Variants in TSPEAR observed in about 807,000 individuals in gnomAD.
TSPEAR encodes the protein thrombospondin-type laminin G domain and EAR repeat-containing protein.
TSPEAR carries 69 observed loss-of-function variants against 71.6 expected under a neutral mutation model. The observed-to-expected ratio is 0.96, with a 90% CI of 0.79 to 1.18. TSPEAR has a LOEUF of 1.18. Ranked by LOEUF, TSPEAR falls within the 50% of genes most tolerant of loss-of-function variation. The probability of loss-of-function intolerance (pLI) is 0.00; values close to 1 mark genes in which losing one functional copy is unlikely to be tolerated. For missense variants in TSPEAR, 971 were observed against 894.9 expected (o/e 1.09, Z -1.09); for synonymous variants, 402 against 387.2 (o/e 1.04, Z -0.45).
intron 11 of TSPEAR, among the ~76,000 whole-genome samples, chr21:44,503,280 C>T (rs868960964): frequency 1.1e-3 from 131 of 120,570 alleles, no homozygotes; most frequent in African/African-American, 3.9e-3. Context: ...AAGCTGGCCT[C>T]GGTGAGCCCT....
Position 44,616,285 on chromosome 21 carries a change from C to T in TSPEAR, c.83-48280G>A, listed in dbSNP as rs587679216. 5.9e-5 allele frequency among the ~76,000 whole-genome samples: 9 copies of T among 152,276 alleles called. No homozygotes were observed. In the South Asian group the frequency reaches 1.7e-3, roughly 28 times the overall value. On this transcript the variant is annotated intron_variant, in intron 1 of 11. Transcript: ENST00000323084. Reference sequence around the variant, plus strand: ...GGGGAGGTGGACGCTCTCACGGTGCCCTTTTGTCTCTAAAGCGGGGAGAGA... The same window carrying T: ...GGGGAGGTGGACGCTCTCACGGTGCTCTTTTGTCTCTAAAGCGGGGAGAGA...
At chr21:44,526,080 A>G (rs1463461783) in intron 7 of TSPEAR, 4 of 416,668 alleles carry the variant, frequency 9.6e-6, no homozygotes, top group Non-Finnish European at 1.7e-5. Context: ...TTCCACTTCT[A>G]TTGCTATCTG....
chr21:44,701,960 CCT>C (rs1987669466), intron 1 of TSPEAR, among the ~76,000 whole-genome samples: 3 of 152,290 alleles, frequency 2.0e-5, no homozygotes, highest in South Asian at 4.1e-4. Context: ...CATCTCCTGC[CCT>C]GTTTTCCTTC....
In TSPEAR at chr21:44,550,721, G is replaced by C. The variant is rs587672561; in HGVS notation, c.304-16798C>G. 4.3e-6 allele frequency: 7 copies of C among 1,614,084 alleles called. No homozygotes were observed. The Admixed American group carries it at 1.2e-4, about 27-fold the overall frequency. ...AGCTAGACTTTTGGCCTGAGGAAAA[G>C]CTGCAGGAGGCTGGGCGGGAGCACA... is the stretch of plus-strand genomic sequence containing the variant. On this transcript the variant is annotated intron_variant, in intron 2 of 11. Coordinates refer to ENST00000323084, the MANE Select transcript of TSPEAR (RefSeq NM_144991.3).
intron 7 of TSPEAR, 123 bp downstream of exon 7, chr21:44,527,169 C>T: frequency 1.1e-6 from 1 of 895,486 alleles, no homozygotes; most frequent in Non-Finnish European, 1.7e-6. Context: ...CCTTTTACCG[C>T]CTGAACGAGG....
chr21:44,533,976 G>A (rs782248154), intron 2 of TSPEAR, 53 bp from the exon 3 acceptor site: 58 of 1,329,030 alleles, frequency 4.4e-5, no homozygotes, highest in South Asian at 1.5e-4. Context: ...GGTCGGGTGC[G>A]GGGGCAGGGC....
intron 1 of TSPEAR, among the ~76,000 whole-genome samples, chr21:44,636,359 C>T (rs1983567162): frequency 6.6e-6 from 1 of 152,206 alleles, no homozygotes; most frequent in Non-Finnish European, 1.5e-5. Context: ...GCTTCCTTTC[C>T]CATTGTATTT....
intron 1 of TSPEAR, among the ~76,000 whole-genome samples, chr21:44,705,574 C>A (rs1987871245): frequency 6.6e-6 from 1 of 152,200 alleles, no homozygotes; most frequent in Non-Finnish European, 1.5e-5. Flanking sequence ...AACTGGCCCC[C>A]CCGGGGCGTA....
At chr21:44,690,666 C>T (rs1987088382) in intron 1 of TSPEAR, 1 of 853,930 alleles carries the variant, frequency 1.2e-6, no homozygotes, top group African/African-American at 1.8e-5. Flanking sequence ...GTAAACATGA[C>T]AGCAAATTAT....
chr21:44,622,119 A>G (rs1220560144), intron 1 of TSPEAR, among the ~76,000 whole-genome samples: 1 of 152,232 alleles, frequency 6.6e-6, no homozygotes, highest in Non-Finnish European at 1.5e-5. Flanking sequence ...ATACATGAAA[A>G]CATGCTCCAC....
intron 3 of TSPEAR, among the ~76,000 whole-genome samples, chr21:44,532,577 A>T (rs1328687999): frequency 6.6e-6 from 1 of 152,276 alleles, no homozygotes; most frequent in Non-Finnish European, 1.5e-5. Context: ...TATTTATGCG[A>T]TAAGTTTCAT....
chr21:44,515,881 G>A (rs1009411758), intron 9 of TSPEAR: 2 of 152,280 alleles, frequency 1.3e-5, no homozygotes, highest in African/African-American at 4.8e-5. Flanking sequence ...TGGGCCCCAT[G>A]AGTGAAGGGC....
intron 1 of TSPEAR, among the ~76,000 whole-genome samples, chr21:44,610,731 G>T (rs587725004): frequency 1.3e-5 from 2 of 152,282 alleles, no homozygotes; most frequent in East Asian, 3.9e-4. Context: ...TGGAAAAGCT[G>T]CTGACACTCA....
At chr21:44,666,603 C>T (rs1555944790) in intron 1 of TSPEAR, 2 of 1,613,306 alleles carry the variant, frequency 1.2e-6, no homozygotes, top group Non-Finnish European at 1.7e-6. Context: ...GGGGGCTGCA[C>T]ACACAATGGG....
chr21:44,509,255 G>A lies in TSPEAR; in HGVS notation c.1698C>T (p.Tyr566=), dbSNP rs62218852. 968 of 1,614,002 alleles carry A rather than the reference G, an allele frequency of 6.0e-4. No homozygotes were observed. The highest frequency in any genetic ancestry group is 1.3e-3 in the Admixed American group (79 of 60,006). ...NDSYVINSVI[Y]ELNVTAQAFV... ...AGGCCTGCGCGGTCACGTTCAGCTC[G>A]TAGATGACGGAGTTGATGACATAGG... Residue 566 remains tyrosine, a synonymous_variant, in exon 10 of 12, where the codon TAC becomes TAT. Transcript: ENST00000323084.
In TSPEAR at chr21:44,529,862, G is replaced by A. The variant is rs1555915501; in HGVS notation, c.726C>T (p.Ile242=). The part of the protein sequence containing the change: ...SRNAPLAVLS[I]PRVLQALTGK... ...CCGTGAGAGCCTGCAGGACCCGTGG[G>A]ATGGACAGCACCGCCAGCGGGGCGT... Residue 242 remains isoleucine (I), a synonymous_variant, in exon 5 of 12, where the codon ATC becomes ATT. Transcript: ENST00000323084. 7 of 1,613,706 alleles carry A rather than the reference G, an allele frequency of 4.3e-6. No homozygotes were observed. The highest frequency in any genetic ancestry group is 8.5e-7 in the Non-Finnish European group (1 of 1,179,958).
chr21:44,533,636 G>A, intron 3 of TSPEAR, 49 bp downstream of exon 3: 1 of 1,481,626 alleles, frequency 6.7e-7, no homozygotes, highest in Non-Finnish European at 9.3e-7. Context: ...TGCCTGGCCT[G>A]GCAGGACTCT....
Position 44,654,422 on chromosome 21 carries a change from G to A in TSPEAR, c.82+57011C>T, listed in dbSNP as rs782166077. 3.7e-6 allele frequency: 6 copies of A among 1,614,034 alleles called. No individual in the cohort carries two copies. The Admixed American group carries it at 8.3e-5, about 22-fold the overall frequency. On this transcript the variant is annotated intron_variant, in intron 1 of 11. Coordinates refer to ENST00000323084, the MANE Select transcript of TSPEAR (RefSeq NM_144991.3). ...GGCACACAGCAGGCCACCTGGCAGGGGCTGGGCACACAGCAGGCTGGCTGG... is the reference window on the plus strand; with the variant it reads ...GGCACACAGCAGGCCACCTGGCAGGAGCTGGGCACACAGCAGGCTGGCTGG...
At chr21:44,541,843 C>T (rs2053227912) in intron 2 of TSPEAR, among the ~76,000 whole-genome samples, 1 of 152,202 alleles carries the variant, frequency 6.6e-6, no homozygotes, top group Admixed American at 6.5e-5. Context: ...CTAACTGCCT[C>T]CCAGAAACAA....
Sources: gnomAD v4.1 joint callset for allele counts (sites outside exome capture counted in the v4.1 genomes callset) on GRCh38, gnomAD v4.1.1 for gene constraint, MANE v1.5 for transcripts, NCBI Gene and HGNC (gene_info 2026-07-23, HGNC 2026-07-21) for gene names.